The following AKAP13 variants were observed in gnomAD, a reference collection of about 807,000 sequenced individuals.
The protein encoded by AKAP13 is A-kinase anchor protein 13.
Under a neutral mutation model 264.5 loss-of-function variants are expected in AKAP13, and 80 were observed. The ratio of observed to expected loss-of-function variants is 0.30; its 90% CI spans 0.25 to 0.36. AKAP13 has a LOEUF of 0.36. AKAP13 is among the 10% of genes least tolerant of loss of function. The probability of loss-of-function intolerance (pLI) is 1.00; values close to 1 mark genes in which losing one functional copy is unlikely to be tolerated. For synonymous variants in AKAP13, 1,380 were observed against 1,250.2 expected, an observed-to-expected ratio of 1.10 and a Z score of -2.19; for missense variants, 3,712 against 3,435.2, an observed-to-expected ratio of 1.08 and a Z score of -2.01.
At chr15:85,698,348 C>T (rs1194609266) in intron 17 of AKAP13, among the ~76,000 whole-genome samples, 1 of 151,538 alleles carries the variant, frequency 6.6e-6, no homozygotes. Flanking sequence ...GCCTGTAATC[C>T]CAGCTACTTG....
chr15:85,591,318 A>C (rs921912321), intron 8 of AKAP13, among the ~76,000 whole-genome samples: 1 of 152,144 alleles, frequency 6.6e-6, no homozygotes, highest in Non-Finnish European at 1.5e-5. Context: ...TGCGTTTTAA[A>C]CAAGCATCCC....
intron 35 of AKAP13, among the ~76,000 whole-genome samples, chr15:85,742,586 A>G (rs879825810): frequency 6.6e-6 from 1 of 152,198 alleles, no homozygotes; most frequent in Non-Finnish European, 1.5e-5. Flanking sequence ...TTGCCTCTCT[A>G]CTGCTGATGA....
intron 1 of AKAP13, among the ~76,000 whole-genome samples, chr15:85,453,212 G>A (rs111735212): frequency 2.0e-5 from 3 of 152,310 alleles, no homozygotes; most frequent in African/African-American, 7.2e-5. Context: ...GTCAGTGGCC[G>A]AGAGGCTTTT....
chr15:85,428,813 G>A (rs1431724265), intron 1 of AKAP13, among the ~76,000 whole-genome samples: 1 of 152,090 alleles, frequency 6.6e-6, no homozygotes, highest in Admixed American at 6.5e-5. Flanking sequence ...AAATGGTATT[G>A]GAATGACCAT....
chr15:85,598,640 C>G (rs1264476567), intron 8 of AKAP13, among the ~76,000 whole-genome samples: 1 of 152,070 alleles, frequency 6.6e-6, no homozygotes, highest in Non-Finnish European at 1.5e-5. Flanking sequence ...TAATAGAAAC[C>G]AGGGATGCCA....
At chr15:85,448,146 T>C (rs1261671427) in intron 1 of AKAP13, among the ~76,000 whole-genome samples, 1 of 152,248 alleles carries the variant, frequency 6.6e-6, no homozygotes, top group Non-Finnish European at 1.5e-5. Context: ...TTTTTTCATA[T>C]GCTTGTTGGC....
chr15:85,735,216 CT>C lies in AKAP13; in HGVS notation c.7441+68del, dbSNP rs1266309011. 1.5e-4 allele frequency: 238 copies of C among 1,557,432 alleles called. 1 individual carries two copies. Among genetic ancestry groups the C allele is most frequent in the Non-Finnish European group, 2.0e-4 (228 of 1,152,222 alleles). Reference sequence around the variant, plus strand: ...GACTATCTCACACAACTCAAAATGACTTGTACTTTAGTAGCTACATCACCGC... The same window carrying C: ...GACTATCTCACACAACTCAAAATGACTGTACTTTAGTAGCTACATCACCGC... On this transcript the variant is annotated intron_variant, in intron 31 of 36. Transcript: ENST00000394518.
intron 1 of AKAP13, among the ~76,000 whole-genome samples, chr15:85,478,144 T>A (rs6497202): frequency 6.6e-6 from 1 of 151,978 alleles, no homozygotes; most frequent in South Asian, 2.1e-4. Flanking sequence ...TACATACATA[T>A]GACCCTTTAC....
intron 35 of AKAP13, among the ~76,000 whole-genome samples, chr15:85,741,799 C>T (rs926856071): frequency 2.0e-5 from 3 of 151,706 alleles, no homozygotes; most frequent in African/African-American, 4.8e-5. Flanking sequence ...AATCCCAGCA[C>T]CTTGGGAGGC....
Position 85,582,073 on chromosome 15 carries a change from C to T in AKAP13, c.4005C>T (p.Ile1335=), listed in dbSNP as rs7179919. The part of the protein sequence containing the change: ...CFAGREEPEK[I]ILPVQGPEPA... ...CTGGAAGGGAGGAGCCAGAGAAGAT[C>T]ATTTTACCTGTCCAGGGGCCTGAGC... Residue 1335 remains isoleucine (I), a synonymous_variant, in exon 7 of 37, where the codon ATC becomes ATT. Transcript: ENST00000394518. The T allele has an allele frequency of 0.17, 266,468 of 1,611,418 alleles. 24,261 individuals are homozygous for T. Among genetic ancestry groups the T allele is most frequent in the Admixed American group, 0.28 (16,868 of 59,882 alleles).
chr15:85,519,601 CAA>C (rs993831601), intron 2 of AKAP13, among the ~76,000 whole-genome samples: 47 of 152,270 alleles, frequency 3.1e-4, no homozygotes, highest in African/African-American at 1.0e-3. Flanking sequence ...AAAATGTTTC[CAA>C]GAGAGAGTCT....
At chr15:85,635,733 G>GT (rs1427940801) in intron 8 of AKAP13, among the ~76,000 whole-genome samples, 2 of 152,134 alleles carry the variant, frequency 1.3e-5, no homozygotes, top group Admixed American at 1.3e-4. Flanking sequence ...ATTTTTATAG[G>GT]TGGTAAGGTT....
At chr15:85,604,711 ACCT>A (rs1196090057) in intron 8 of AKAP13, among the ~76,000 whole-genome samples, 1 of 151,958 alleles carries the variant, frequency 6.6e-6, no homozygotes, top group Non-Finnish European at 1.5e-5. Context: ...TGATCCACCC[ACCT>A]CGGCCTCCCA....
At chr15:85,479,725 AGTTT>A (rs1207795598) in intron 1 of AKAP13, among the ~76,000 whole-genome samples, 1 of 152,160 alleles carries the variant, frequency 6.6e-6, no homozygotes, top group Non-Finnish European at 1.5e-5. Flanking sequence ...AAGGGTTTCC[AGTTT>A]GTTATATGAT....
chr15:85,639,347 A>C, intron 8 of AKAP13, 27 bp from the exon 9 acceptor site: 17 of 1,537,830 alleles, frequency 1.1e-5, no homozygotes, highest in Non-Finnish European at 1.5e-5. Context: ...TCAATGTCTG[A>C]AACTCTGTGT....
Position 85,669,602 on chromosome 15 carries a change from C to A in AKAP13, c.4993-120C>A, listed in dbSNP as rs114468374. 3.1e-3 allele frequency: 2,050 copies of A among 652,760 alleles called. 28 individuals are homozygous for A. The highest frequency in any genetic ancestry group is 0.028 in the African/African-American group (1,504 of 54,568). 40.4% of individuals were successfully genotyped at this position (652,760 alleles called of 1,614,324 possible). ...AGTCTGTCTGACCACAAGGCCTGTG[C>A]TCTCACCCGCTTCTTCACTGCCTTA... On this transcript the variant is annotated intron_variant, in intron 13 of 36. Transcript: ENST00000394518.
chr15:85,609,844 C>G (rs1308161540), intron 8 of AKAP13, among the ~76,000 whole-genome samples: 1 of 152,198 alleles, frequency 6.6e-6, no homozygotes, highest in Non-Finnish European at 1.5e-5. Context: ...TCCATTTTCT[C>G]TGTTTCCTTC....
Position 85,533,734 on chromosome 15 carries a change from A to C in AKAP13, c.332A>C (p.Gln111Pro). The C allele has an allele frequency of 6.2e-7, 1 of 1,614,202 alleles. No individual in the cohort carries two copies. The highest frequency in any genetic ancestry group is 8.5e-7 in the Non-Finnish European group (1 of 1,180,028). Residue 111 changes from glutamine (Q) to proline (P), a missense_variant, in exon 4 of 37, where the codon CAG (glutamine) becomes CCG (proline). Physicochemically the swap from Gln to Pro is moderately conservative, Grantham distance 76. This residue lies in a region of AKAP13 where 2,759 missense variants were observed against 2,411.7 expected (regional missense o/e 1.14). Transcript: ENST00000394518. ...QFLATSAGNQQALNFTRFLDQ... is the reference protein window; with the variant it reads ...QFLATSAGNQPALNFTRFLDQ... ...CTAGCAACCAGTGCTGGAAATCAGC[A>C]GGCTTTGAACTTTACCCGTTTTCTT...
intron 8 of AKAP13, among the ~76,000 whole-genome samples, chr15:85,589,413 G>A (rs2079495502): frequency 6.6e-6 from 1 of 151,988 alleles, no homozygotes; most frequent in African/African-American, 2.4e-5. Flanking sequence ...TGATGGTCAT[G>A]TGTCGTGAAA....
Sources: allele counts gnomAD v4.1 joint callset (sites outside exome capture counted in the v4.1 genomes callset), GRCh38; gene constraint gnomAD v4.1.1; regional missense constraint gnomAD v4.1.1; transcripts MANE v1.5; gene names NCBI Gene and HGNC (gene_info 2026-07-23, HGNC 2026-07-21).